NTM: variants seen among roughly 807,000 people sequenced by gnomAD.
The protein encoded by NTM is neurotrimin, also known as IgLON family member 2.
Under a neutral mutation model 42.1 loss-of-function variants are expected in NTM, and 13 were observed. The ratio of observed to expected loss-of-function variants is 0.31; its 90% CI spans 0.20 to 0.49. The LOEUF is 0.49. NTM is among the 20% of genes least tolerant of loss of function. The pLI, the probability that NTM is intolerant of heterozygous loss-of-function variation, is 0.99. For synonymous variants in NTM, 187 were observed against 179.2 expected, an observed-to-expected ratio of 1.04 and a Z score of -0.35; for missense variants, 373 against 452.8, an observed-to-expected ratio of 0.82 and a Z score of 1.60.
intron 2 of NTM, among the ~76,000 whole-genome samples, chr11:131,966,486 C>G (rs936923710): frequency 3.9e-5 from 6 of 152,092 alleles, no homozygotes; most frequent in African/African-American, 1.4e-4. Flanking sequence ...AGGGACAAGT[C>G]CAAATAGTAT....
chr11:131,450,874 T>C (rs923196125), intron 1 of NTM, among the ~76,000 whole-genome samples: 3 of 152,156 alleles, frequency 2.0e-5, no homozygotes, highest in South Asian at 2.1e-4. Context: ...TGAATCGTAG[T>C]AGATGCCACA....
chr11:131,806,958 G>A (rs1002005195), intron 1 of NTM, among the ~76,000 whole-genome samples: 12 of 152,182 alleles, frequency 7.9e-5, no homozygotes, highest in African/African-American at 2.9e-4. Flanking sequence ...TAAAGAAACT[G>A]CTGGGAGCTC....
chr11:131,738,893 G>T (rs1450745632), intron 1 of NTM, among the ~76,000 whole-genome samples: 1 of 152,184 alleles, frequency 6.6e-6, no homozygotes, highest in Non-Finnish European at 1.5e-5. Flanking sequence ...AAGTCAACCT[G>T]GGTGGTGTGA....
intron 4 of NTM, among the ~76,000 whole-genome samples, chr11:132,227,057 A>G (rs1438423554): frequency 6.6e-6 from 1 of 152,228 alleles, no homozygotes; most frequent in Non-Finnish European, 1.5e-5. Context: ...CTAACCATAC[A>G]GGTGGTGTTT....
At chr11:132,152,688 T>C (rs555368784) in intron 3 of NTM, among the ~76,000 whole-genome samples, 1 of 152,302 alleles carries the variant, frequency 6.6e-6, no homozygotes, top group African/African-American at 2.4e-5. Context: ...AGTTTTAAAA[T>C]TTCTTGAAGC....
chr11:131,695,398 A>G (rs2075326824), intron 1 of NTM, among the ~76,000 whole-genome samples: 1 of 152,182 alleles, frequency 6.6e-6, no homozygotes, highest in Non-Finnish European at 1.5e-5. Context: ...GCAAACCTTC[A>G]TGCCGGCACA....
intron 1 of NTM, among the ~76,000 whole-genome samples, chr11:131,859,919 C>A (rs1157202810): frequency 6.6e-6 from 1 of 151,924 alleles, no homozygotes; most frequent in East Asian, 1.9e-4. Flanking sequence ...TCAGTAAGGG[C>A]AGCTTTTCCC....
intron 2 of NTM, among the ~76,000 whole-genome samples, chr11:131,933,892 G>A (rs1180382637): frequency 6.6e-6 from 1 of 152,006 alleles, no homozygotes; most frequent in Non-Finnish European, 1.5e-5. Context: ...GGGGGGGGAT[G>A]TTGTTTTACA....
At chr11:131,500,108 A>G (rs2046554237) in intron 1 of NTM, among the ~76,000 whole-genome samples, 1 of 152,104 alleles carries the variant, frequency 6.6e-6, no homozygotes, top group Admixed American at 6.6e-5. Context: ...TCTCACTCCC[A>G]CGTGACATCA....
chr11:132,192,574 A>C (rs2079485519), intron 3 of NTM, among the ~76,000 whole-genome samples: 1 of 152,216 alleles, frequency 6.6e-6, no homozygotes, highest in Admixed American at 6.5e-5. Flanking sequence ...GCCCACTGAC[A>C]CTATAAAGCA....
At chr11:131,711,069 G>A (rs1318541729) in intron 1 of NTM, among the ~76,000 whole-genome samples, 2 of 152,096 alleles carry the variant, frequency 1.3e-5, no homozygotes, top group East Asian at 1.9e-4. Flanking sequence ...CATAGGCATG[G>A]GCAAGGACTT....
intron 1 of NTM, among the ~76,000 whole-genome samples, chr11:131,747,695 A>G (rs1335975779): frequency 6.6e-6 from 1 of 152,196 alleles, no homozygotes; most frequent in Non-Finnish European, 1.5e-5. Context: ...CTTGTATCAC[A>G]TGACTTCTTA....
chr11:131,838,150 C>A (rs533688678), intron 1 of NTM, among the ~76,000 whole-genome samples: 1 of 152,136 alleles, frequency 6.6e-6, no homozygotes, highest in East Asian at 1.9e-4. Context: ...CAGGTAAAAA[C>A]CGGAAGGACG....
chr11:131,727,179 G>A (rs755511324), intron 1 of NTM, among the ~76,000 whole-genome samples: 53 of 146,042 alleles, frequency 3.6e-4, no homozygotes, highest in Non-Finnish European at 6.6e-4. Flanking sequence ...GAAAAGCAGA[G>A]TTCTGTTAGG....
intron 2 of NTM, among the ~76,000 whole-genome samples, chr11:131,946,464 A>G (rs936538033): frequency 6.6e-6 from 1 of 152,234 alleles, no homozygotes; most frequent in Non-Finnish European, 1.5e-5. Flanking sequence ...AATGTAAAAC[A>G]TATATGCAAT....
chr11:131,927,031 T>C (rs1180683937), intron 2 of NTM, among the ~76,000 whole-genome samples: 1 of 152,212 alleles, frequency 6.6e-6, no homozygotes, highest in Non-Finnish European at 1.5e-5. Context: ...AGTAGGCACG[T>C]ATTTGGAATT....
chr11:131,983,201 T>C (rs988126477), intron 2 of NTM, among the ~76,000 whole-genome samples: 2 of 152,120 alleles, frequency 1.3e-5, no homozygotes, highest in African/African-American at 4.8e-5. Flanking sequence ...ACCTGTATTG[T>C]ACCTTCAATC....
intron 3 of NTM, among the ~76,000 whole-genome samples, chr11:132,163,094 G>C (rs115937061): frequency 1.3e-5 from 2 of 152,214 alleles, no homozygotes; most frequent in African/African-American, 2.4e-5. Flanking sequence ...AGTGGAAGGA[G>C]CGTCTGCAGA....
intron 8 of NTM, 59 bp downstream of exon 8, chr11:132,330,244 C>A: frequency 6.5e-7 from 1 of 1,530,810 alleles, no homozygotes; most frequent in South Asian, 1.2e-5. Context: ...TAAAACTCTT[C>A]ACCTTCCTCC....
Sources: allele counts gnomAD v4.1 joint callset (sites outside exome capture counted in the v4.1 genomes callset), GRCh38; gene constraint gnomAD v4.1.1; transcripts MANE v1.5; gene names NCBI Gene and HGNC (gene_info 2026-07-23, HGNC 2026-07-21).